SERPINB6: variants seen among roughly 807,000 people sequenced by gnomAD.
SERPINB6 encodes serpin B6.
SERPINB6 carries 16 observed loss-of-function variants against 26.1 expected under a neutral mutation model. That is an observed-to-expected ratio of 0.61 (90% CI 0.42 to 0.93). SERPINB6 has a LOEUF of 0.93. SERPINB6 is among the 40% of genes least tolerant of loss of function. SERPINB6 has a pLI of 0.00. For synonymous variants in SERPINB6, 174 were observed against 176.6 expected, an observed-to-expected ratio of 0.99 and a Z score of 0.11; for missense variants, 420 against 478.0, an observed-to-expected ratio of 0.88 and a Z score of 1.13.
In SERPINB6 at chr6:2,955,664, A is replaced by G. The variant is rs1296292240; in HGVS notation, c.172T>C (p.Ser58Pro). 3.1e-6 allele frequency: 5 copies of G among 1,614,088 alleles called. No individual in the cohort carries two copies. Among genetic ancestry groups the G allele is most frequent in the Non-Finnish European group, 3.4e-6 (4 of 1,180,038 alleles). Residue 58 changes from serine to proline, a missense_variant, in exon 3 of 7, where the codon TCT (serine) becomes CCT (proline). Coordinates refer to ENST00000380539, the MANE Select transcript of SERPINB6 (RefSeq NM_004568.6). ...NTAAQMAQIL[S>P]FNKSGGGGDI... ...CCACCACCGCCACTTTTATTGAAAG[A>G]AAGTATCTGAAATCAAAAACAGAAT...
intron 1 of SERPINB6, chr6:2,968,890 T>G (rs539812431): frequency 1.6e-5 from 20 of 1,229,794 alleles, no homozygotes; most frequent in Non-Finnish European, 2.0e-5. Flanking sequence ...GGGAGAACTC[T>G]TCGGTGTGGC....
At chr6:2,965,258 C>T (rs964226997) in intron 1 of SERPINB6, among the ~76,000 whole-genome samples, 1 of 152,102 alleles carries the variant, frequency 6.6e-6, no homozygotes, top group African/African-American at 2.4e-5. Context: ...TTTTCATATG[C>T]TTCGACACAA....
At chr6:2,968,884 G>GAACT (rs1255305293) in intron 1 of SERPINB6, 8 of 1,229,896 alleles carry the variant, frequency 6.5e-6, no homozygotes, top group Non-Finnish European at 8.1e-6. Context: ...GCAAATGGGA[G>GAACT]AACTCTTCGG....
At chr6:2,959,026 G>T in intron 2 of SERPINB6, 142 bp downstream of exon 2, 1 of 1,106,322 alleles carries the variant, frequency 9.0e-7, no homozygotes, top group Non-Finnish European at 1.3e-6. Flanking sequence ...AGCATGGGTG[G>T]CATGCCCTTC....
chr6:2,970,881 G>A, intron 1 of SERPINB6: 1 of 1,231,162 alleles, frequency 8.1e-7, no homozygotes, highest in Non-Finnish European at 1.0e-6. Flanking sequence ...TGGTCCACAC[G>A]ATCGTCTCCA....
rs116172408 is a variant in SERPINB6, at chr6:2,959,477, T to A, written c.-10-135A>T. The A allele has an allele frequency of 5.0e-3, 4,193 of 844,654 alleles. 19 individuals are homozygous for A. The highest frequency in any genetic ancestry group is 6.4e-3 in the Non-Finnish European group (3,223 of 504,090). The allele number at this position is 844,654 out of a possible 1,614,324, so 52.3% of individuals were successfully genotyped here. On this transcript the variant is annotated intron_variant, in intron 1 of 6. Transcript: ENST00000380539. ...AAACACACACAGAACTCTGGCTGTT[T>A]CTTTTTAGGACCCTCCACATTATTT...
At position 2,959,091 on chromosome 6, in the gene SERPINB6, G is replaced by A. The variant is rs182269539; in HGVS notation, c.165+77C>T. Reference sequence around the variant, plus strand: ...TACTGCACAGTCATCCGTCTCGAGCGATCCCTTTGGGATTTGGAATAAGGA... The same window carrying A: ...TACTGCACAGTCATCCGTCTCGAGCAATCCCTTTGGGATTTGGAATAAGGA... On this transcript the variant is annotated intron_variant, in intron 2 of 6. Coordinates refer to ENST00000380539, the MANE Select transcript of SERPINB6 (RefSeq NM_004568.6). 280 of 1,572,656 alleles carry A rather than the reference G, an allele frequency of 1.8e-4. 1 individual carries two copies. The highest frequency in any genetic ancestry group is 5.0e-5 in the Admixed American group (3 of 59,926).
intron 5 of SERPINB6, 90 bp from the exon 6 acceptor site, chr6:2,949,159 A>G: frequency 2.1e-6 from 3 of 1,422,802 alleles, no homozygotes; most frequent in Non-Finnish European, 2.9e-6. Flanking sequence ...CTCTGCAGGG[A>G]GAAACGCAGC....
In SERPINB6 at chr6:2,953,179, A is replaced by G. The variant is rs1770017569; in HGVS notation, c.438T>C (p.Ile146=). ...CTGAGCCCGGAGAGAGCAACTCCGCAATTTTACCTGAGCGGAAGAATTCAA... is the reference window on the plus strand; with the variant it reads ...CTGAGCCCGGAGAGAGCAACTCCGCGATTTTACCTGAGCGGAAGAATTCAA... ...TWVAEKTEGK[I]AELLSPGSVD... is the part of the protein sequence containing the mutation. The change falls in exon 5 of 7, where the codon ATT becomes ATC. Residue 146 remains isoleucine (I), a synonymous_variant. Coordinates refer to ENST00000380539, the MANE Select transcript of SERPINB6 (RefSeq NM_004568.6). 1 of 1,614,062 alleles carries G rather than the reference A, an allele frequency of 6.2e-7. No individual in the cohort carries two copies. The highest frequency in any genetic ancestry group is 8.5e-7 in the Non-Finnish European group (1 of 1,180,046).
In SERPINB6 at chr6:2,967,458, T is replaced by G. The variant is rs1225240623; in HGVS notation, c.-11+4075A>C. 6.6e-6 allele frequency: 1 copy of G among 152,664 alleles called. No homozygotes were observed. The highest frequency in any genetic ancestry group is 1.5e-5 in the Non-Finnish European group (1 of 68,474). The allele number at this position is 152,664 out of a possible 1,614,324, so 9.5% of individuals were successfully genotyped here. On this transcript the variant is annotated intron_variant, in intron 1 of 6. Coordinates refer to ENST00000380539, the MANE Select transcript of SERPINB6 (RefSeq NM_004568.6). This position sits in a 1 kb window ranked among gnomAD's most constrained non-coding sequence, Gnocchi z 4.3. ...ATTGACAAATAGGATCTAATTAAAC[T>G]TAAGCACTCCTGCACAGCAAAAGAA...
chr6:2,961,184 C>G (rs1360903664), intron 1 of SERPINB6: 1 of 152,228 alleles, frequency 6.6e-6, no homozygotes, highest in Non-Finnish European at 1.5e-5. Flanking sequence ...AACTCATACA[C>G]CTGATAAAGC....
intron 1 of SERPINB6, chr6:2,970,145 C>T: frequency 1.0e-6 from 1 of 984,508 alleles, no homozygotes; most frequent in Non-Finnish European, 1.2e-6. Context: ...GGTGTGTGGT[C>T]TTCCCTGGGA....
intron 1 of SERPINB6, 81 bp from the exon 2 acceptor site, chr6:2,959,423 G>A (rs2113255749): frequency 2.8e-6 from 4 of 1,447,878 alleles, no homozygotes; most frequent in East Asian, 2.3e-5. Flanking sequence ...GACAGTCACC[G>A]CCGATGCTGT....
chr6:2,951,426 G>A (rs1274644286), intron 5 of SERPINB6, among the ~76,000 whole-genome samples: 2 of 150,860 alleles, frequency 1.3e-5, no homozygotes, highest in South Asian at 2.1e-4. Context: ...AAGCATGGCT[G>A]TGTTTCAGTA....
rs143242851 is a variant in SERPINB6, at chr6:2,959,908, C to T, written c.-10-566G>A. 577 of 174,844 alleles carry T rather than the reference C, an allele frequency of 3.3e-3. 3 individuals are homozygous for T. Among genetic ancestry groups the T allele is most frequent in the African/African-American group, 0.013 (537 of 41,818 alleles). The allele number at this position is 174,844 out of a possible 1,614,324, so 10.8% of individuals were successfully genotyped here. ...TTCAAATGCCTCCTGACCCTTGGAT[C>T]TCCTTCTAGGAAATCCCTGCAGGTG... On this transcript the variant is annotated intron_variant, in intron 1 of 6. Transcript: ENST00000380539.
intron 4 of SERPINB6, 77 bp downstream of exon 4, chr6:2,954,515 T>G (rs1770198076): frequency 8.8e-7 from 1 of 1,136,440 alleles, no homozygotes; most frequent in Admixed American, 1.7e-5. Flanking sequence ...TGTTTACAAT[T>G]GACAGTCTTG....
chr6:2,948,463 C>G lies in SERPINB6; in HGVS notation c.966G>C (p.Glu322Asp). Residue 322 changes from glutamate (E) to aspartate (D), a missense_variant, in exon 7 of 7, where the codon GAG becomes GAC. By Grantham distance (45) the Glu-to-Asp change is conservative. Transcript: ENST00000380539. This position sits in a 1 kb window ranked among gnomAD's most constrained non-coding sequence, Gnocchi z 5.0. ...LSKVVHKSFV[E>D]VNEEGTEAAA... ...CAGCCTCCGTGCCTTCCTCATTGAC[C>G]TCCACAAAAGACTTGTGCACGACCT... The G allele has an allele frequency of 1.2e-6, 2 of 1,614,202 alleles. No homozygotes were observed. Among genetic ancestry groups the G allele is most frequent in the Non-Finnish European group, 1.7e-6 (2 of 1,180,032 alleles).
At chr6:2,957,191 AAAG>A (rs1017431290) in intron 2 of SERPINB6, 16 of 152,512 alleles carry the variant, frequency 1.0e-4, no homozygotes, top group Admixed American at 9.8e-4. Flanking sequence ...GAAGAAGTGG[AAAG>A]AAGGTCACCC....
At chr6:2,953,651 T>A (rs1179753280) in intron 4 of SERPINB6, among the ~76,000 whole-genome samples, 4 of 152,040 alleles carry the variant, frequency 2.6e-5, no homozygotes, top group African/African-American at 9.7e-5. Flanking sequence ...GACAACATAG[T>A]GAGGCCTTGT....
Sources: allele counts gnomAD v4.1 joint callset (sites outside exome capture counted in the v4.1 genomes callset), GRCh38; gene constraint gnomAD v4.1.1; non-coding constraint Gnocchi (gnomAD v3.1); transcripts MANE v1.5; gene names NCBI Gene and HGNC (gene_info 2026-07-23, HGNC 2026-07-21).